The following SLC4A5 variants were observed in gnomAD, a reference collection of about 807,000 sequenced individuals.
SLC4A5 encodes the protein solute carrier family 4 member 5.
SLC4A5 carries 96 observed loss-of-function variants against 120.4 expected under a neutral mutation model. That is an observed-to-expected ratio of 0.80 (90% CI 0.68 to 0.94). The LOEUF is 0.94. SLC4A5 is among the 40% of genes least tolerant of loss of function. The probability of loss-of-function intolerance (pLI) is 0.00; values close to 1 mark genes in which losing one functional copy is unlikely to be tolerated. For missense variants in SLC4A5, 1,259 were observed against 1,459.5 expected (o/e 0.86, Z 2.24); for synonymous variants, 550 against 571.1 (o/e 0.96, Z 0.53).
intron 7 of SLC4A5, among the ~76,000 whole-genome samples, chr2:74,303,582 T>C (rs1672541997): frequency 6.6e-6 from 1 of 152,208 alleles, no homozygotes; most frequent in African/African-American, 2.4e-5. Flanking sequence ...CCTCTTAAGA[T>C]TGATCATTTT....
chr2:74,343,234 C>T (rs1311374170), intron 1 of SLC4A5, 122 bp downstream of exon 1: 1 of 152,188 alleles, frequency 6.6e-6, no homozygotes, highest in Non-Finnish European at 1.5e-5. Flanking sequence ...CAATAAAATT[C>T]TCATCTGACT....
chr2:74,303,125 T>C (rs1672527411), intron 7 of SLC4A5, among the ~76,000 whole-genome samples: 1 of 151,888 alleles, frequency 6.6e-6, no homozygotes, highest in Admixed American at 6.6e-5. Flanking sequence ...TGCGTGTGTG[T>C]GTGTGTGTGT....
At chr2:74,250,235 T>A in intron 17 of SLC4A5, 108 bp downstream of exon 17, 1 of 1,099,550 alleles carries the variant, frequency 9.1e-7, no homozygotes, top group Non-Finnish European at 1.3e-6. Flanking sequence ...GGCCTCAACC[T>A]GGATGGTAGA....
chr2:74,325,900 G>A (rs1487040294), intron 5 of SLC4A5, among the ~76,000 whole-genome samples: 1 of 149,962 alleles, frequency 6.7e-6, no homozygotes. Flanking sequence ...GGGAAGGGAA[G>A]GGGAAAGGAA....
chr2:74,248,570 C>CTGT, intron 17 of SLC4A5, 84 bp from the exon 18 acceptor site: 1 of 1,500,264 alleles, frequency 6.7e-7, no homozygotes, highest in African/African-American at 1.4e-5. Context: ...GATCTCTCCA[C>CTGT]GGGCCCAGGC....
At chr2:74,319,738 CT>C (rs1673051400) in intron 5 of SLC4A5, among the ~76,000 whole-genome samples, 1 of 152,144 alleles carries the variant, frequency 6.6e-6, no homozygotes, top group Non-Finnish European at 1.5e-5. Context: ...TCAGCCACCC[CT>C]AACCTCTTTG....
chr2:74,231,717 C>T (rs549176736), intron 24 of SLC4A5, among the ~76,000 whole-genome samples: 21 of 152,304 alleles, frequency 1.4e-4, no homozygotes, highest in Admixed American at 3.3e-4. Flanking sequence ...TATTACTCTG[C>T]CCTTTGATTT....
chr2:74,229,425 T>C (rs1375595875), intron 25 of SLC4A5, among the ~76,000 whole-genome samples: 1 of 151,942 alleles, frequency 6.6e-6, no homozygotes. Context: ...ATTTTTGTAT[T>C]TTTAGTAGAC....
rs370269504 is a variant in SLC4A5, at chr2:74,334,237, G to C, written c.-220-60C>G. ...AAAGAGAAGCTGAGACATTGTAAGA[G>C]GCCAAGCCCAGGTGATGCTGTGGAG... On this transcript the variant is annotated intron_variant, in intron 3 of 30. Coordinates refer to ENST00000394019, the Ensembl canonical transcript of SLC4A5. The C allele has an allele frequency of 8.5e-5, 13 of 152,400 alleles. No individual in the cohort carries two copies. The East Asian group carries it at 1.7e-3, about 20-fold the overall frequency. The allele number at this position is 152,400 out of a possible 1,614,324, so 9.4% of individuals were successfully genotyped here.
intron 7 of SLC4A5, among the ~76,000 whole-genome samples, chr2:74,288,596 A>G (rs932281518): frequency 4.6e-5 from 7 of 152,282 alleles, no homozygotes; most frequent in Admixed American, 2.0e-4. Context: ...GCTAACACTT[A>G]AATCTTGATC....
At chr2:74,241,128 G>A (rs1231583462) in intron 20 of SLC4A5, among the ~76,000 whole-genome samples, 1 of 151,916 alleles carries the variant, frequency 6.6e-6, no homozygotes, top group Non-Finnish European at 1.5e-5. Context: ...TAGAAATTGG[G>A]GGTCCTAGGC....
intron 6 of SLC4A5, among the ~76,000 whole-genome samples, chr2:74,311,793 T>C (rs576066776): frequency 1.3e-5 from 2 of 152,354 alleles, no homozygotes; most frequent in East Asian, 3.9e-4. Context: ...TTGGACGAAG[T>C]ATTCTATAAA....
At chr2:74,243,091 G>A (rs1481744780) in intron 19 of SLC4A5, among the ~76,000 whole-genome samples, 1 of 152,224 alleles carries the variant, frequency 6.6e-6, no homozygotes, top group African/African-American at 2.4e-5. Context: ...ACCCAAAGGT[G>A]CTGCTCTCAG....
In SLC4A5 at chr2:74,342,554, A is replaced by AAC. The variant is rs1673651601; in HGVS notation, c.-346-22_-346-21dup. The AAC allele has an allele frequency of 6.6e-6, 1 of 152,138 alleles. No homozygotes were observed. The highest frequency in any genetic ancestry group is 2.4e-5 in the African/African-American group (1 of 41,418). 9.4% of individuals were successfully genotyped at this position (152,138 alleles called of 1,614,324 possible). A position where few individuals can be genotyped will look rare whatever the true frequency, so the allele number is the denominator to read the frequency against. On this transcript the variant is annotated intron_variant, in intron 1 of 30. Transcript: ENST00000394019. ...GGATGCCTGCTTGGAGGGAGGGTAAAACACCATTTCTCAGGGACAGAAGCC... is the reference window on the plus strand; with the variant it reads ...GGATGCCTGCTTGGAGGGAGGGTAAAACACACCATTTCTCAGGGACAGAAGCC...
At chr2:74,254,322 A>AC (rs1670889492) in intron 14 of SLC4A5, among the ~76,000 whole-genome samples, 1 of 152,076 alleles carries the variant, frequency 6.6e-6, no homozygotes, top group Non-Finnish European at 1.5e-5. Context: ...TGCTGGGTCT[A>AC]CCTTCCTCCT....
intron 24 of SLC4A5, 34 bp downstream of exon 24, chr2:74,232,435 C>A (rs1400031717): frequency 6.3e-7 from 1 of 1,597,236 alleles, no homozygotes; most frequent in Non-Finnish European, 8.5e-7. Flanking sequence ...GGCCCCTCCC[C>A]ATTGGGTGAT....
intron 8 of SLC4A5, among the ~76,000 whole-genome samples, chr2:74,283,527 C>A (rs1671878776): frequency 6.6e-6 from 1 of 152,096 alleles, no homozygotes; most frequent in East Asian, 1.9e-4. Context: ...ATACATGGTA[C>A]GTGGAGTGGG....
intron 5 of SLC4A5, among the ~76,000 whole-genome samples, chr2:74,316,321 TAAAAA>T (rs60481743): frequency 1.4e-4 from 7 of 51,188 alleles, no homozygotes; most frequent in Middle Eastern, 0.015. Context: ...AAAAGAGTTG[TAAAAA>T]AAAAAAAAAA....
intron 6 of SLC4A5, among the ~76,000 whole-genome samples, chr2:74,314,060 T>C (rs574122818): frequency 3.9e-5 from 6 of 152,258 alleles, no homozygotes; most frequent in African/African-American, 1.4e-4. Context: ...ATTATGCAAA[T>C]TGTAAGGGAC....
Sources: allele counts gnomAD v4.1 joint callset (sites outside exome capture counted in the v4.1 genomes callset), GRCh38; gene constraint gnomAD v4.1.1; transcripts MANE v1.5; gene names NCBI Gene and HGNC (gene_info 2026-07-23, HGNC 2026-07-21).